The following MTUS2 variants were observed in gnomAD, a reference collection of about 807,000 sequenced individuals.
The protein encoded by MTUS2 is microtubule associated scaffold protein 2.
MTUS2 carries 40 observed loss-of-function variants against 114.1 expected under a neutral mutation model. The ratio of observed to expected loss-of-function variants is 0.35; its 90% CI spans 0.27 to 0.46. The LOEUF (loss-of-function observed/expected upper bound fraction) is 0.46, where lower values mean the gene tolerates loss of function less well. MTUS2 is among the 20% of genes least tolerant of loss of function. The probability of loss-of-function intolerance (pLI) is 1.00; values close to 1 mark genes in which losing one functional copy is unlikely to be tolerated. For synonymous variants in MTUS2, 688 were observed against 672.0 expected (o/e 1.02, Z -0.37); for missense variants, 1,679 against 1,705.4 (o/e 0.98, Z 0.27).
At chr13:28,855,037 G>A (rs1876532410) in intron 2 of MTUS2, among the ~76,000 whole-genome samples, 1 of 152,146 alleles carries the variant, frequency 6.6e-6, no homozygotes, top group Non-Finnish European at 1.5e-5. Context: ...TGGTTTACCA[G>A]CTCTTCCTTC....
intron 2 of MTUS2, among the ~76,000 whole-genome samples, chr13:28,909,564 G>C (rs561559139): frequency 6.6e-6 from 1 of 152,068 alleles, no homozygotes; most frequent in Non-Finnish European, 1.5e-5. Context: ...GAAACCCACC[G>C]CCAATATCAT....
At chr13:29,044,575 T>A (rs912663762) in intron 4 of MTUS2, among the ~76,000 whole-genome samples, 2 of 152,208 alleles carry the variant, frequency 1.3e-5, no homozygotes, top group Non-Finnish European at 2.9e-5. Flanking sequence ...TTAGGCCTCT[T>A]GGAGTTGCCC....
intron 5 of MTUS2, among the ~76,000 whole-genome samples, chr13:29,114,567 G>T (rs1215370808): frequency 6.6e-6 from 1 of 152,192 alleles, no homozygotes; most frequent in Non-Finnish European, 1.5e-5. Flanking sequence ...GAGGGGGAGA[G>T]AAATATATTA....
intron 2 of MTUS2, among the ~76,000 whole-genome samples, chr13:29,018,434 C>G (rs1022416285): frequency 6.6e-6 from 1 of 152,270 alleles, no homozygotes; most frequent in African/African-American, 2.4e-5. Context: ...TGAAGAAATT[C>G]TATATGAGTG....
intron 2 of MTUS2, among the ~76,000 whole-genome samples, chr13:28,855,768 A>G (rs1876587651): frequency 6.6e-6 from 1 of 152,196 alleles, no homozygotes; most frequent in African/African-American, 2.4e-5. Flanking sequence ...AGAATGATTT[A>G]TATTCCTTTG....
chr13:29,409,402 T>C (rs565655463), intron 8 of MTUS2, among the ~76,000 whole-genome samples: 1 of 152,368 alleles, frequency 6.6e-6, no homozygotes, highest in East Asian at 1.9e-4. Context: ...AGATACTGTT[T>C]TCCAAAGTTA....
intron 5 of MTUS2, among the ~76,000 whole-genome samples, chr13:29,279,335 A>G (rs1898182702): frequency 1.3e-5 from 2 of 152,138 alleles, no homozygotes; most frequent in East Asian, 3.9e-4. Context: ...TTCAGGCTGG[A>G]GTCGGTTCAG....
chr13:29,206,323 A>G (rs950768242), intron 5 of MTUS2, among the ~76,000 whole-genome samples: 1 of 152,180 alleles, frequency 6.6e-6, no homozygotes, highest in African/African-American at 2.4e-5. Context: ...TGTCAGATGC[A>G]TAGTTTTCAA....
At chr13:29,474,458 G>C (rs1880542545) in intron 9 of MTUS2, among the ~76,000 whole-genome samples, 1 of 152,146 alleles carries the variant, frequency 6.6e-6, no homozygotes, top group African/African-American at 2.4e-5. Flanking sequence ...GGGATTTAAT[G>C]AAATATATAT....
At chr13:29,074,724 C>T (rs901803355) in intron 4 of MTUS2, among the ~76,000 whole-genome samples, 1 of 152,094 alleles carries the variant, frequency 6.6e-6, no homozygotes, top group African/African-American at 2.4e-5. Context: ...ATCTTGTTCC[C>T]AGTTTTCTGT....
chr13:29,457,594 T>G (rs1015486168), intron 9 of MTUS2, among the ~76,000 whole-genome samples: 5 of 152,180 alleles, frequency 3.3e-5, no homozygotes, highest in Non-Finnish European at 7.4e-5. Context: ...TAAATAAGGC[T>G]GTTATGAATA....
At chr13:28,819,991 G>T (rs1220198536), upstream of MTUS2, among the ~76,000 whole-genome samples, 2 of 147,092 alleles carry the variant, frequency 1.4e-5, no homozygotes, top group East Asian at 2.0e-4. Flanking sequence ...CCGGGAGGGG[G>T]TGCGCGCATC....
chr13:29,491,009 T>C (rs979913203), intron 11 of MTUS2, among the ~76,000 whole-genome samples: 28 of 56,106 alleles, frequency 5.0e-4, no homozygotes, highest in African/African-American at 1.4e-3. Flanking sequence ...GTGTGTGTGG[T>C]GTGGGAGGTA....
intron 2 of MTUS2, among the ~76,000 whole-genome samples, chr13:28,930,828 A>T (rs529181058): frequency 2.0e-5 from 3 of 152,142 alleles, no homozygotes; most frequent in Non-Finnish European, 4.4e-5. Flanking sequence ...CCTATTAGTA[A>T]CCCTAGAGCT....
chr13:29,239,537 ATTGG>A (rs1475917413), intron 5 of MTUS2: 1 of 152,196 alleles, frequency 6.6e-6, no homozygotes, highest in Non-Finnish European at 1.5e-5. Flanking sequence ...GCAAATACTT[ATTGG>A]GAATGTATTA....
chr13:29,149,916 G>T (rs1234833496), intron 5 of MTUS2, among the ~76,000 whole-genome samples: 4 of 152,124 alleles, frequency 2.6e-5, no homozygotes, highest in Admixed American at 2.0e-4. Context: ...GGTTATGGTA[G>T]CCTTGTAGTA....
At chr13:29,069,385 G>A (rs1327481287) in intron 4 of MTUS2, among the ~76,000 whole-genome samples, 5 of 152,130 alleles carry the variant, frequency 3.3e-5, no homozygotes, top group Non-Finnish European at 7.3e-5. Flanking sequence ...CCGTCAGGTT[G>A]GGCAGAGTGT....
At chr13:29,198,120 G>A (rs1343422070) in intron 5 of MTUS2, among the ~76,000 whole-genome samples, 2 of 152,170 alleles carry the variant, frequency 1.3e-5, no homozygotes, top group Non-Finnish European at 2.9e-5. Flanking sequence ...TGCTTTTGGT[G>A]TTTTAGTCAT....
chr13:29,024,617 T>C lies in MTUS2; in HGVS notation c.-82T>C. 6.6e-7 allele frequency: 1 copy of C among 1,523,484 alleles called. No homozygotes were observed. Among genetic ancestry groups the C allele is most frequent in the Non-Finnish European group, 8.9e-7 (1 of 1,126,496 alleles). The allele number at this position is 1,523,484 out of a possible 1,614,324, so 94.4% of individuals were successfully genotyped here. A position where few individuals can be genotyped will look rare whatever the true frequency, so the allele number is the denominator to read the frequency against. ...GAGAACAAGCAGCTTGAGAATTTCC[T>C]CTTAATCTGATTGCAGCTTGAAGGC... On this transcript the variant is annotated 5_prime_UTR_variant, in exon 3 of 16. Transcript: ENST00000612955.
Sources: gnomAD v4.1 joint callset for allele counts (sites outside exome capture counted in the v4.1 genomes callset) on GRCh38, gnomAD v4.1.1 for gene constraint, MANE v1.5 for transcripts, NCBI Gene and HGNC (gene_info 2026-07-23, HGNC 2026-07-21) for gene names.